Variants in NBEAL2 observed in about 807,000 individuals in gnomAD.
NBEAL2 encodes the protein neurobeachin like 2, also known as neurobeachin-like protein 2.
Under a neutral mutation model 299.8 loss-of-function variants are expected in NBEAL2, and 160 were observed. The observed-to-expected ratio is 0.53, with a 90% CI of 0.47 to 0.61. The LOEUF (loss-of-function observed/expected upper bound fraction) is 0.61, where lower values mean the gene tolerates loss of function less well. Among genes scored for constraint, NBEAL2 ranks in the 20% least tolerant of loss-of-function variants. NBEAL2 has a pLI of 0.00. For missense variants in NBEAL2, 3,112 were observed against 3,649.0 expected (o/e 0.85, Z 3.79); for synonymous variants, 1,493 against 1,542.3 (o/e 0.97, Z 0.75).
chr3:47,003,380 T>C lies in NBEAL2; in HGVS notation c.5720+71T>C. The C allele has an allele frequency of 4.5e-6, 7 of 1,553,952 alleles. No individual in the cohort carries two copies. Among genetic ancestry groups the C allele is most frequent in the South Asian group, 1.2e-5 (1 of 82,988 alleles). On this transcript the variant is annotated intron_variant, in intron 35 of 53. Transcript: ENST00000450053. The surrounding 1 kb of genome is among the most constrained non-coding windows in gnomAD (Gnocchi z 7.0). Reference sequence around the variant, plus strand: ...GTCTGCTCCAGTGTGTGCATGCCTCTGTGGGATCAACTCCCTGAGTGTGTC... The same window carrying C: ...GTCTGCTCCAGTGTGTGCATGCCTCCGTGGGATCAACTCCCTGAGTGTGTC...
chr3:46,995,241 C>T lies in NBEAL2; in HGVS notation c.1506C>T (p.Leu502=). 1 of 1,556,596 alleles carries T rather than the reference C, an allele frequency of 6.4e-7. No individual in the cohort carries two copies. The highest frequency in any genetic ancestry group is 1.2e-5 in the South Asian group (1 of 84,960). Residue 502 remains leucine, a synonymous_variant, in exon 13 of 54, where the codon CTC becomes CTT. Transcript: ENST00000450053. ...TGGTGGGCTGCCTGTTGGAGACACTCAGCACAGGGCTAGCCCTGGAGGCCC... is the reference window on the plus strand; with the variant it reads ...TGGTGGGCTGCCTGTTGGAGACACTTAGCACAGGGCTAGCCCTGGAGGCCC... ...AGLVGCLLET[L]STGLALEARC...
chr3:47,002,360 C>T lies in NBEAL2; in HGVS notation c.5152-11C>T. On this transcript the variant is annotated splice_polypyrimidine_tract_variant and intron_variant, in intron 31 of 53. Transcript: ENST00000450053. ...ACATCGAGCACTGTTCTCCTCTGCCCAATCCTCCAGGTACAGCCAACCATG... is the reference window on the plus strand; with the variant it reads ...ACATCGAGCACTGTTCTCCTCTGCCTAATCCTCCAGGTACAGCCAACCATG... 1 of 1,613,314 alleles carries T rather than the reference C, an allele frequency of 6.2e-7. No individual in the cohort carries two copies. The highest frequency in any genetic ancestry group is 2.2e-5 in the East Asian group (1 of 44,882).
chr3:46,998,248 AG>A (rs1484260672), intron 21 of NBEAL2, 22 bp downstream of exon 21: 1 of 1,604,054 alleles, frequency 6.2e-7, no homozygotes, highest in South Asian at 1.1e-5. Flanking sequence ...GACCTGAGCA[AG>A]GGGCCGGCCA....
At chr3:47,006,678 A>T (rs2037470964) in intron 45 of NBEAL2, among the ~76,000 whole-genome samples, 1 of 150,598 alleles carries the variant, frequency 6.6e-6, no homozygotes, top group Non-Finnish European at 1.5e-5. Context: ...TAGGGAGATC[A>T]GGAGGGAGAT....
chr3:47,005,654 T>G (rs1575624702), intron 41 of NBEAL2, 35 bp downstream of exon 41: 1 of 1,612,002 alleles, frequency 6.2e-7, no homozygotes. Flanking sequence ...AGCGGGCAGG[T>G]GTAGGGATGG....
chr3:46,996,091 G>A, intron 15 of NBEAL2, 40 bp downstream of exon 15: 1 of 1,569,092 alleles, frequency 6.4e-7, no homozygotes, highest in African/African-American at 1.4e-5. Flanking sequence ...GGGTAGATGG[G>A]AGGACTTGGA....
chr3:46,997,488 GT>G lies in NBEAL2; in HGVS notation c.2824+56del. On this transcript the variant is annotated intron_variant, in intron 19 of 53. Coordinates refer to ENST00000450053, the MANE Select transcript of NBEAL2 (RefSeq NM_015175.3). Reference sequence around the variant, plus strand: ...GAGGGAATCTTGGCATGGTAGGGGGGTGGAATGCCCAAGGTCTCCTGGCCAC... The same window carrying G: ...GAGGGAATCTTGGCATGGTAGGGGGGGGAATGCCCAAGGTCTCCTGGCCAC... 2.5e-6 allele frequency: 4 copies of G among 1,592,970 alleles called. 1 individual carries two copies. The South Asian group carries it at 4.4e-5, about 18-fold the overall frequency.
At position 46,998,388 on chromosome 3, in the gene NBEAL2, C is replaced by T. The variant is rs185206508; in HGVS notation, c.3119-75C>T. On this transcript the variant is annotated intron_variant, in intron 21 of 53. Transcript: ENST00000450053. ...CCCTGCCCTGGAAGTCTGACAGGCA[C>T]ATGGCCCTGGCCTGGAGGATCTGAA... 3 of 1,529,724 alleles carry T rather than the reference C, an allele frequency of 2.0e-6. No individual in the cohort carries two copies. The Admixed American group carries it at 5.7e-5, about 29-fold the overall frequency. The allele number at this position is 1,529,724 out of a possible 1,614,324, so 94.8% of individuals were successfully genotyped here.
chr3:47,006,009 C>T lies in NBEAL2; in HGVS notation c.6865C>T (p.Arg2289Trp), dbSNP rs956571690. 9 of 1,613,580 alleles carry T rather than the reference C, an allele frequency of 5.6e-6. No homozygotes were observed. Among genetic ancestry groups the T allele is most frequent in the East Asian group, 4.5e-5 (2 of 44,900 alleles). ...CGACCTCATCTTTGGCTACAAGCAG[C>T]GGGGGCCAGCCGCCGAGGAGGCCCT... is the stretch of plus-strand genomic sequence containing the variant. ...WIDLIFGYKQ[R>W]GPAAEEALNV... Residue 2289 changes from arginine (R) to tryptophan (W), a missense_variant, in exon 43 of 54, where the codon CGG becomes TGG. Arg to Trp is a moderately radical substitution (Grantham distance 101). Transcript: ENST00000450053.
At position 47,004,441 on chromosome 3, in the gene NBEAL2, G is replaced by A. The variant is rs779041228; in HGVS notation, c.6198+48G>A. On this transcript the variant is annotated intron_variant, in intron 37 of 53. Transcript: ENST00000450053. This position sits in a 1 kb window ranked among gnomAD's most constrained non-coding sequence, Gnocchi z 5.0. ...ATGTGAAGTCGGGACCCTGAATCAC[G>A]GGGCAGTGCTGGACAGCCCACCTGG... 40 of 1,598,040 alleles carry A rather than the reference G, an allele frequency of 2.5e-5. No homozygotes were observed. The highest frequency in any genetic ancestry group is 1.6e-4 in the East Asian group (7 of 44,658).
chr3:47,006,453 A>G lies in NBEAL2; in HGVS notation c.7134+4A>G. ...ACTCAAGGCATTCTTCGCAGAGGTG[A>G]AAGGAAGACAAGACCTCAACTTTAT... On this transcript the variant is annotated splice_donor_region_variant and intron_variant, in intron 45 of 53. Coordinates refer to ENST00000450053, the MANE Select transcript of NBEAL2 (RefSeq NM_015175.3). The G allele has an allele frequency of 6.4e-7, 1 of 1,565,778 alleles. No individual in the cohort carries two copies. Among genetic ancestry groups the G allele is most frequent in the Non-Finnish European group, 8.7e-7 (1 of 1,154,532 alleles).
rs1575587050 is a variant in NBEAL2 at position 46,988,194 on chromosome 3, A to G, written c.52-475A>G. On this transcript the variant is annotated intron_variant, in intron 1 of 53. Transcript: ENST00000450053. The surrounding 1 kb of genome is among the most constrained non-coding windows in gnomAD (Gnocchi z 4.4). ...ACGTGTGTCCTGGGATCCACAGTTA[A>G]AGAAGGCTACTGAAGGTGGTGGCTG... 1.3e-6 allele frequency: 1 copy of G among 759,480 alleles called. No homozygotes were observed. The highest frequency in any genetic ancestry group is 1.8e-6 in the Non-Finnish European group (1 of 564,854). The allele number at this position is 759,480 out of a possible 1,614,324, so 47.0% of individuals were successfully genotyped here.
intron 1 of NBEAL2, among the ~76,000 whole-genome samples, chr3:46,980,991 C>T (rs1398069043): frequency 6.6e-6 from 1 of 152,196 alleles, no homozygotes. Context: ...CTGTCTTCCA[C>T]GGACCTGGAG....
rs78173616 is a variant in NBEAL2, at chr3:46,986,277, A to G, written c.52-2392A>G. Among the ~76,000 whole-genome samples, 26 of 152,192 alleles carry G rather than the reference A, an allele frequency of 1.7e-4. No individual in the cohort carries two copies. The East Asian group carries it at 5.0e-3, about 29-fold the overall frequency. On this transcript the variant is annotated intron_variant, in intron 1 of 53. Transcript: ENST00000450053. ...GAAAGTACTATCTACATACTCTAGG[A>G]GTATGTAGAGATTGAGGGACCCACC...
rs2037181132 is a variant in NBEAL2, at chr3:47,003,342, T to C, written c.5720+33T>C. On this transcript the variant is annotated intron_variant, in intron 35 of 53. Coordinates refer to ENST00000450053, the MANE Select transcript of NBEAL2 (RefSeq NM_015175.3). This position sits in a 1 kb window ranked among gnomAD's most constrained non-coding sequence, Gnocchi z 7.0. ...GGGCCCTGGAGAGATTGGACTGGTG[T>C]GGTGGGCAAGGGGTCTGCTCCAGTG... 6.2e-7 allele frequency: 1 copy of C among 1,601,088 alleles called. No homozygotes were observed. The highest frequency in any genetic ancestry group is 8.5e-7 in the Non-Finnish European group (1 of 1,173,728).
chr3:47,006,268 G>T lies in NBEAL2; in HGVS notation c.7017+6G>T, dbSNP rs755542781. The T allele has an allele frequency of 1.9e-6, 3 of 1,613,216 alleles. No homozygotes were observed. Among genetic ancestry groups the T allele is most frequent in the Admixed American group, 3.3e-5 (2 of 59,862 alleles). ...CTCCCTGTCAGCTGCTGAAGGTAAG[G>T]CCAGCTTAGAGGATAGTGGCCAGGG... On this transcript the variant is annotated splice_donor_region_variant and intron_variant, in intron 44 of 53. Coordinates refer to ENST00000450053, the MANE Select transcript of NBEAL2 (RefSeq NM_015175.3).
In NBEAL2 at chr3:46,995,928, C is replaced by G; in HGVS notation, c.2032-4C>G. 6.2e-7 allele frequency: 1 copy of G among 1,613,480 alleles called. No individual in the cohort carries two copies. Among genetic ancestry groups the G allele is most frequent in the Non-Finnish European group, 8.5e-7 (1 of 1,179,774 alleles). ...TATGGCCTAATGTGAGGCTTCTGTT[C>G]TAGCACTGCGTGGCTATCGTCCATG... is the stretch of plus-strand genomic sequence containing the variant. On this transcript the variant is annotated splice_region_variant and splice_polypyrimidine_tract_variant and intron_variant, in intron 14 of 53. Transcript: ENST00000450053.
In NBEAL2 at chr3:46,982,990, G is replaced by A. The variant is rs2035447777; in HGVS notation, c.51+3078G>A. Among the ~76,000 whole-genome samples, 1 of 152,162 alleles carries A rather than the reference G, an allele frequency of 6.6e-6. No individual in the cohort carries two copies. Among genetic ancestry groups the A allele is most frequent in the African/African-American group, 2.4e-5 (1 of 41,406 alleles). ...CATGCAGATGAGTGGCCCCTGTTCA[G>A]GCCGGAGCAGCAGTGATGTTCAGCA... On this transcript the variant is annotated intron_variant, in intron 1 of 53. Transcript: ENST00000450053. This position sits in a 1 kb window ranked among gnomAD's most constrained non-coding sequence, Gnocchi z 4.2.
rs945982749 is a variant in NBEAL2, at chr3:47,001,709, C to G, written c.4665C>G (p.Ser1555Arg). 1 of 1,613,718 alleles carries G rather than the reference C, an allele frequency of 6.2e-7. No homozygotes were observed. The highest frequency in any genetic ancestry group is 1.3e-5 in the African/African-American group (1 of 74,932). Reference protein sequence around the residue: ...WSEKLFEGVCSLLDRLGAWPH... With the variant: ...WSEKLFEGVCRLLDRLGAWPH... Reference sequence around the variant, plus strand: ...GGCAGCTCTTTGAAGGTGTATGCAGCCTACTTGATCGCCTGGGAGCCTGGC... The same window carrying G: ...GGCAGCTCTTTGAAGGTGTATGCAGGCTACTTGATCGCCTGGGAGCCTGGC... Residue 1555 changes from serine (S) to arginine (R), a missense_variant, in exon 30 of 54, where the codon AGC (serine) becomes AGG (arginine). Ser to Arg is a moderately radical substitution (Grantham distance 110, BLOSUM62 -1). Transcript: ENST00000450053. This position sits in a 1 kb window ranked among gnomAD's most constrained non-coding sequence, Gnocchi z 6.1.
Sources: allele counts gnomAD v4.1 joint callset (sites outside exome capture counted in the v4.1 genomes callset), GRCh38; gene constraint gnomAD v4.1.1; non-coding constraint Gnocchi (gnomAD v3.1); transcripts MANE v1.5; gene names NCBI Gene and HGNC (gene_info 2026-07-23, HGNC 2026-07-21).